Variants in GRIK4 observed in about 807,000 individuals in gnomAD.
GRIK4 encodes the protein glutamate ionotropic receptor kainate type subunit 4.
GRIK4 carries 40 observed loss-of-function variants against 104.9 expected under a neutral mutation model. That is an observed-to-expected ratio of 0.38 (90% CI 0.30 to 0.50). The LOEUF (loss-of-function observed/expected upper bound fraction) is 0.50, where lower values mean the gene tolerates loss of function less well. GRIK4 is among the 20% of genes least tolerant of loss of function. The pLI is 0.93. For missense variants in GRIK4, 1,047 were observed against 1,308.1 expected, an observed-to-expected ratio of 0.80 and a Z score of 3.08; for synonymous variants, 485 against 524.9, an observed-to-expected ratio of 0.92 and a Z score of 1.04.
intron 1 of GRIK4, among the ~76,000 whole-genome samples, chr11:120,630,847 C>G (rs1055442441): frequency 7.2e-5 from 11 of 152,182 alleles, no homozygotes; most frequent in Admixed American, 5.9e-4. Flanking sequence ...TTTCTGGAGT[C>G]CTTGGGCAAG....
rs184823315 is a variant in GRIK4, at chr11:120,607,800, G to C, written c.-158-45885G>C. 2.1e-3 allele frequency among the ~76,000 whole-genome samples: 325 copies of C among 152,192 alleles called. 2 individuals carry two copies. Among genetic ancestry groups the C allele is most frequent in the African/African-American group, 7.5e-3 (310 of 41,508 alleles). On this transcript the variant is annotated intron_variant, in intron 1 of 20. Transcript: ENST00000527524. ...GAAGAGCAGAGAGCAGATGAGAGAG[G>C]AAAGAGCTGGGAAACACAGGAATTT... is the stretch of plus-strand genomic sequence containing the variant.
At chr11:120,607,819 G>C (rs755648685) in intron 1 of GRIK4, among the ~76,000 whole-genome samples, 1 of 152,108 alleles carries the variant, frequency 6.6e-6, no homozygotes, top group African/African-American at 2.4e-5. Context: ...GGGAAACACA[G>C]GAATTTATAG....
chr11:120,911,507 G>T (rs533660084), intron 13 of GRIK4, among the ~76,000 whole-genome samples: 2 of 146,056 alleles, frequency 1.4e-5, no homozygotes, highest in South Asian at 2.3e-4. Context: ...AAAGTGCTGG[G>T]ATTACAGGCT....
chr11:120,776,516 T>G (rs1376505402), intron 3 of GRIK4, among the ~76,000 whole-genome samples: 1 of 152,252 alleles, frequency 6.6e-6, no homozygotes, highest in Admixed American at 6.5e-5. Flanking sequence ...CTGGATGCTC[T>G]CAGAGGGGAA....
chr11:120,624,884 G>GCCCAA (rs1949237719), intron 1 of GRIK4, among the ~76,000 whole-genome samples: 2 of 152,060 alleles, frequency 1.3e-5, no homozygotes, highest in Non-Finnish European at 2.9e-5. Context: ...GGGGGGATGG[G>GCCCAA]GTGCAGATTT....
chr11:120,972,009 C>G (rs975802478), intron 19 of GRIK4, among the ~76,000 whole-genome samples: 1 of 152,080 alleles, frequency 6.6e-6, no homozygotes, highest in Non-Finnish European at 1.5e-5. Context: ...GAGCAGCCTA[C>G]TTGTTCAGAA....
intron 3 of GRIK4, among the ~76,000 whole-genome samples, chr11:120,722,067 G>A (rs1950941954): frequency 6.6e-6 from 1 of 152,154 alleles, no homozygotes. Context: ...CAGTGTCTGG[G>A]CCTGGGGTCC....
chr11:120,582,265 GTATATA>G (rs1238654280), intron 1 of GRIK4, among the ~76,000 whole-genome samples: 2 of 148,830 alleles, frequency 1.3e-5, no homozygotes, highest in Non-Finnish European at 3.0e-5. Flanking sequence ...TAAATAGTAT[GTATATA>G]TATACATATA....
intron 1 of GRIK4, among the ~76,000 whole-genome samples, chr11:120,580,246 T>TCTTTCTTTCTTC (rs1948557835): frequency 6.9e-6 from 1 of 143,892 alleles, no homozygotes; most frequent in Non-Finnish European, 1.5e-5. Flanking sequence ...TTTCTTTCTT[T>TCTTTCTTTCTTC]CTTTCTTTTT....
intron 3 of GRIK4, among the ~76,000 whole-genome samples, chr11:120,741,419 C>T (rs1425663502): frequency 1.3e-5 from 2 of 151,720 alleles, no homozygotes; most frequent in African/African-American, 2.4e-5. Context: ...GCTGGGACTA[C>T]AGGCACGCAC....
At chr11:120,830,155 C>T (rs1397773325) in intron 6 of GRIK4, among the ~76,000 whole-genome samples, 1 of 151,324 alleles carries the variant, frequency 6.6e-6, no homozygotes, top group African/African-American at 2.4e-5. Flanking sequence ...GTCCCTTGGG[C>T]TCCAACTCCA....
chr11:120,658,357 G>A (rs1949747105), intron 2 of GRIK4, among the ~76,000 whole-genome samples: 1 of 152,124 alleles, frequency 6.6e-6, no homozygotes, highest in South Asian at 2.1e-4. Flanking sequence ...TCTAGTGCAT[G>A]TCTTTGCTAA....
chr11:120,520,151 C>G (rs559616733), intron 1 of GRIK4, among the ~76,000 whole-genome samples: 12 of 152,240 alleles, frequency 7.9e-5, no homozygotes, highest in Admixed American at 5.2e-4. Context: ...CCTCAGCCCC[C>G]CAAAGTGCTG....
chr11:120,517,454 A>G (rs1430397608), intron 1 of GRIK4, among the ~76,000 whole-genome samples: 1 of 148,348 alleles, frequency 6.7e-6, no homozygotes, highest in Non-Finnish European at 1.5e-5. Flanking sequence ...TGCCCCAGGG[A>G]GGCCATGGGC....
intron 14 of GRIK4, among the ~76,000 whole-genome samples, chr11:120,948,255 T>C (rs1032614844): frequency 1.3e-5 from 2 of 152,238 alleles, no homozygotes; most frequent in Admixed American, 6.5e-5. Flanking sequence ...AAGCAACCTT[T>C]CTATAAATTG....
intron 3 of GRIK4, among the ~76,000 whole-genome samples, chr11:120,695,725 G>A (rs895105627): frequency 6.6e-6 from 1 of 152,042 alleles, no homozygotes; most frequent in African/African-American, 2.4e-5. Context: ...TATGACCAAG[G>A]TGAGATGCAG....
chr11:120,857,882 G>C (rs1051297625), intron 8 of GRIK4, among the ~76,000 whole-genome samples: 1 of 152,230 alleles, frequency 6.6e-6, no homozygotes, highest in East Asian at 1.9e-4. Flanking sequence ...GACCACATGT[G>C]TGAACAAACA....
At chr11:120,846,321 G>C (rs1420356938) in intron 8 of GRIK4, among the ~76,000 whole-genome samples, 14 of 152,222 alleles carry the variant, frequency 9.2e-5, no homozygotes, top group Admixed American at 9.2e-4. Context: ...TGCCTGCTGT[G>C]TGGTGGGAGA....
intron 3 of GRIK4, among the ~76,000 whole-genome samples, chr11:120,750,031 C>A (rs1951518856): frequency 6.6e-6 from 1 of 152,030 alleles, no homozygotes; most frequent in Non-Finnish European, 1.5e-5. Context: ...CTGGAAGGAG[C>A]CTCAGAGGTC....
Sources: gnomAD v4.1 joint callset for allele counts (sites outside exome capture counted in the v4.1 genomes callset) on GRCh38, gnomAD v4.1.1 for gene constraint, MANE v1.5 for transcripts, NCBI Gene and HGNC (gene_info 2026-07-23, HGNC 2026-07-21) for gene names.